The following CNTN4 variants were observed in gnomAD, a reference collection of about 807,000 sequenced individuals.
The protein encoded by CNTN4 is contactin 4.
CNTN4 carries 77 observed loss-of-function variants against 122.5 expected under a neutral mutation model. The ratio of observed to expected loss-of-function variants is 0.63; its 90% CI spans 0.52 to 0.76. The LOEUF is 0.76. Ranked by LOEUF, CNTN4 falls within the 30% of genes least tolerant of loss-of-function variation. CNTN4 has a pLI of 0.00. For synonymous variants in CNTN4, 512 were observed against 447.0 expected (o/e 1.15, Z -1.83); for missense variants, 1,256 against 1,259.1 (o/e 1.00, Z 0.04).
chr3:2,591,942 A>G (rs953032473), intron 4 of CNTN4, among the ~76,000 whole-genome samples: 2 of 151,998 alleles, frequency 1.3e-5, no homozygotes, highest in African/African-American at 4.8e-5. Flanking sequence ...AAGTAGTGCA[A>G]TCATAGCTCA....
intron 7 of CNTN4, among the ~76,000 whole-genome samples, chr3:2,844,519 A>G: frequency 6.6e-6 from 1 of 152,134 alleles, no homozygotes; most frequent in East Asian, 1.9e-4. Context: ...AAAGTTTAAA[A>G]TGTACTGGTT....
rs1484677248 is a variant in CNTN4, at chr3:2,840,477, G to T, written c.454+20896G>T. On this transcript the variant is annotated intron_variant, in intron 7 of 24. Transcript: ENST00000418658. Reference sequence around the variant, plus strand: ...GCACTTTGGGAGGCCGAGGCGGGCGGATCACGAGGTCAGGAGATCGAGACC... The same window carrying T: ...GCACTTTGGGAGGCCGAGGCGGGCGTATCACGAGGTCAGGAGATCGAGACC... Among the ~76,000 whole-genome samples, 17 of 146,184 alleles carry T rather than the reference G, an allele frequency of 1.2e-4. No homozygotes were observed. The Admixed American group carries it at 1.2e-3, about 10-fold the overall frequency.
chr3:2,392,137 A>G (rs936599728), intron 3 of CNTN4, among the ~76,000 whole-genome samples: 1 of 152,166 alleles, frequency 6.6e-6, no homozygotes, highest in African/African-American at 2.4e-5. Flanking sequence ...ATCCTGCCAC[A>G]CTGTCTCTCA....
Position 2,902,903 on chromosome 3 carries a change from C to T in CNTN4, c.1105C>T (p.Leu369Phe), listed in dbSNP as rs765251625. ...TAGAATTCAAATTGAGCAAGGAACA[C>T]TCAACATAACAATAGTGAACCTCTC... ...RDRIQIEQGT[L>F]NITIVNLSDA... The change falls in exon 12 of 25, where the codon CTC becomes TTC. Residue 369 changes from leucine to phenylalanine, a missense_variant. By Grantham distance (22) the Leu-to-Phe change is conservative. Transcript: ENST00000418658. The T allele has an allele frequency of 6.2e-7, 1 of 1,613,726 alleles. No homozygotes were observed. The highest frequency in any genetic ancestry group is 1.1e-5 in the South Asian group (1 of 91,056).
At chr3:2,981,698 G>A (rs1311349230) in intron 13 of CNTN4, among the ~76,000 whole-genome samples, 1 of 152,088 alleles carries the variant, frequency 6.6e-6, no homozygotes, top group Admixed American at 6.5e-5. Flanking sequence ...AGCCAAATTT[G>A]TACCCCAAGG....
At chr3:2,513,899 A>G (rs2149092486) in intron 3 of CNTN4, among the ~76,000 whole-genome samples, 1 of 152,240 alleles carries the variant, frequency 6.6e-6, no homozygotes, top group African/African-American at 2.4e-5. Flanking sequence ...TTGGTCTTCA[A>G]AATAAATTTA....
intron 12 of CNTN4, among the ~76,000 whole-genome samples, chr3:2,918,684 G>A (rs2094395572): frequency 6.6e-6 from 1 of 152,108 alleles, no homozygotes; most frequent in African/African-American, 2.4e-5. Flanking sequence ...TTTATTTAGA[G>A]AGCCACTTGT....
intron 12 of CNTN4, among the ~76,000 whole-genome samples, chr3:2,917,865 G>C (rs1338991117): frequency 1.3e-5 from 2 of 152,014 alleles, no homozygotes; most frequent in Non-Finnish European, 2.9e-5. Context: ...TTATCCAAGA[G>C]TGCAACATGA....
intron 7 of CNTN4, among the ~76,000 whole-genome samples, chr3:2,823,500 G>T (rs756618437): frequency 1.3e-5 from 2 of 152,142 alleles, no homozygotes; most frequent in African/African-American, 4.8e-5. Flanking sequence ...ATTCAGATGT[G>T]ATGGTTTTGC....
chr3:3,051,047 G>T (rs188883768), intron 23 of CNTN4, among the ~76,000 whole-genome samples: 2 of 152,238 alleles, frequency 1.3e-5, no homozygotes, highest in East Asian at 1.9e-4. Flanking sequence ...AACATCGTAA[G>T]ATGTTTTTTG....
At chr3:2,785,678 C>A (rs2091783909) in intron 6 of CNTN4, among the ~76,000 whole-genome samples, 1 of 152,160 alleles carries the variant, frequency 6.6e-6, no homozygotes, top group Non-Finnish European at 1.5e-5. Flanking sequence ...AGGAAAACCC[C>A]TCAGATGGCA....
rs533437942 is a variant in CNTN4 at position 2,181,975 on chromosome 3, G to A, written c.-145+81336G>A. Among the ~76,000 whole-genome samples the A allele has an allele frequency of 3.9e-5, 6 of 152,150 alleles. No individual in the cohort carries two copies. In the East Asian group the frequency reaches 1.2e-3, roughly 29 times the overall value. ...AAGAATAAATACTGAATGCTTCTAG[G>A]CATTTCCAGTAAGCACAGTAAATCC... On this transcript the variant is annotated intron_variant, in intron 2 of 24. Transcript: ENST00000418658.
Position 2,512,501 on chromosome 3 carries a change from T to A in CNTN4, c.-88-58915T>A, listed in dbSNP as rs187164335. On this transcript the variant is annotated intron_variant, in intron 3 of 24. Transcript: ENST00000418658. ...AGAATTTAATATTGTTAATAATGTT[T>A]GCATGATGTCTTTCACATGATCAAT... Among the ~76,000 whole-genome samples, 31 of 152,366 alleles carry A rather than the reference T, an allele frequency of 2.0e-4. 1 individual carries two copies. The highest frequency in any genetic ancestry group is 3.9e-4 in the Admixed American group (6 of 15,300).
chr3:2,182,865 C>T (rs548490642), intron 2 of CNTN4, among the ~76,000 whole-genome samples: 10 of 150,890 alleles, frequency 6.6e-5, no homozygotes, highest in Non-Finnish European at 1.5e-4. Context: ...TTTTGTTCAA[C>T]TTAAAATGAC....
At chr3:2,281,526 G>A (rs916699212) in intron 2 of CNTN4, among the ~76,000 whole-genome samples, 3 of 151,982 alleles carry the variant, frequency 2.0e-5, no homozygotes, top group African/African-American at 7.3e-5. Flanking sequence ...GGCCACTGTT[G>A]AGTTATTCCT....
At chr3:2,624,698 C>A in intron 4 of CNTN4, among the ~76,000 whole-genome samples, 1 of 135,190 alleles carries the variant, frequency 7.4e-6, no homozygotes, top group East Asian at 2.4e-4. Context: ...GAGAAGTGAT[C>A]TCGGCACACT....
intron 2 of CNTN4, among the ~76,000 whole-genome samples, chr3:2,199,119 C>G (rs908888485): frequency 6.6e-6 from 1 of 152,206 alleles, no homozygotes; most frequent in Non-Finnish European, 1.5e-5. Flanking sequence ...TTCCCCCTCA[C>G]TTGGCATTAT....
chr3:3,054,701 G>T (rs1278734009), intron 24 of CNTN4, among the ~76,000 whole-genome samples: 1 of 152,218 alleles, frequency 6.6e-6, no homozygotes, highest in African/African-American at 2.4e-5. Flanking sequence ...TGGTCAGTGG[G>T]GAATGGGGGT....
chr3:2,911,323 C>T (rs1559652757), intron 12 of CNTN4, among the ~76,000 whole-genome samples: 1 of 152,138 alleles, frequency 6.6e-6, no homozygotes, highest in Admixed American at 6.5e-5. Context: ...CTGATAAAGA[C>T]ACCAAGGGAA....
Sources: allele counts gnomAD v4.1 joint callset (sites outside exome capture counted in the v4.1 genomes callset), GRCh38; gene constraint gnomAD v4.1.1; transcripts MANE v1.5; gene names NCBI Gene and HGNC (gene_info 2026-07-23, HGNC 2026-07-21).